Variants in DOCK1 observed in about 807,000 individuals in gnomAD.
DOCK1 encodes the protein dedicator of cytokinesis protein 1.
DOCK1 carries 138 observed loss-of-function variants against 262.7 expected under a neutral mutation model. That is an observed-to-expected ratio of 0.53 (90% confidence interval 0.46 to 0.61). The LOEUF (loss-of-function observed/expected upper bound fraction) is 0.61, where lower values mean the gene tolerates loss of function less well. Among genes scored for constraint, DOCK1 ranks in the 20% least tolerant of loss-of-function variants. The probability of loss-of-function intolerance (pLI) is 0.00; values close to 1 mark genes in which losing one functional copy is unlikely to be tolerated. For synonymous variants in DOCK1, 866 were observed against 867.4 expected, an observed-to-expected ratio of 1.00 and a Z score of 0.03; for missense variants, 1,908 against 2,370.7, an observed-to-expected ratio of 0.80 and a Z score of 4.05.
At chr10:127,053,391 A>T (rs1252647637) in intron 22 of DOCK1, among the ~76,000 whole-genome samples, 2 of 152,172 alleles carry the variant, frequency 1.3e-5, no homozygotes, top group African/African-American at 4.8e-5. Context: ...AAACCAAGTG[A>T]AATTGCCTCA....
At chr10:127,374,344 G>C in intron 35 of DOCK1, 130 bp downstream of exon 35, 7 of 1,216,034 alleles carry the variant, frequency 5.8e-6, no homozygotes, top group Non-Finnish European at 7.7e-6. Flanking sequence ...TCCTTCGCTT[G>C]TTTCCTCATC....
intron 1 of DOCK1, among the ~76,000 whole-genome samples, chr10:126,926,825 C>T (rs890790082): frequency 1.3e-5 from 2 of 151,844 alleles, no homozygotes; most frequent in Non-Finnish European, 1.5e-5. Context: ...GAAGTCTCCC[C>T]CAGAGGGTTT....
intron 38 of DOCK1, among the ~76,000 whole-genome samples, chr10:127,400,421 C>T (rs767683169): frequency 6.6e-6 from 1 of 152,194 alleles, no homozygotes; most frequent in African/African-American, 2.4e-5. Context: ...ACCTGCAGTT[C>T]AAGGCCAGCC....
intron 31 of DOCK1, among the ~76,000 whole-genome samples, chr10:127,347,459 G>T (rs1393424033): frequency 6.6e-6 from 1 of 152,240 alleles, no homozygotes; most frequent in African/African-American, 2.4e-5. Flanking sequence ...CCGGCTGGGT[G>T]GTGAAGGCAG....
intron 35 of DOCK1, among the ~76,000 whole-genome samples, chr10:127,375,588 C>G (rs577972538): frequency 1.3e-5 from 2 of 152,180 alleles, no homozygotes; most frequent in East Asian, 3.9e-4. Flanking sequence ...AAAAGATAAA[C>G]GAAAAGGAAT....
intron 27 of DOCK1, among the ~76,000 whole-genome samples, chr10:127,232,608 A>G (rs2058892569): frequency 6.6e-6 from 1 of 152,188 alleles, no homozygotes; most frequent in African/African-American, 2.4e-5. Context: ...CTTTCGAACA[A>G]ATGCCTCCTG....
chr10:127,048,087 G>A (rs1485976574), intron 21 of DOCK1, among the ~76,000 whole-genome samples: 1 of 152,190 alleles, frequency 6.6e-6, no homozygotes, highest in Non-Finnish European at 1.5e-5. Context: ...AAGATATTGC[G>A]AGACAGTTCT....
chr10:127,136,071 G>A (rs1324035103), intron 27 of DOCK1: 2 of 152,376 alleles, frequency 1.3e-5, no homozygotes, highest in East Asian at 1.9e-4. Flanking sequence ...TCAGGGATTC[G>A]AACTTCATAT....
At chr10:126,994,135 C>G in intron 6 of DOCK1, among the ~76,000 whole-genome samples, 1 of 152,066 alleles carries the variant, frequency 6.6e-6, no homozygotes, top group East Asian at 1.9e-4. Context: ...GCCCTTAGAC[C>G]TGCGTGTTTT....
chr10:127,280,172 C>G (rs2135269296), intron 29 of DOCK1, among the ~76,000 whole-genome samples: 1 of 150,880 alleles, frequency 6.6e-6, no homozygotes. Flanking sequence ...GTAGCTGGGA[C>G]TACAGGCACC....
intron 32 of DOCK1, among the ~76,000 whole-genome samples, chr10:127,361,727 A>G (rs1361595241): frequency 2.0e-5 from 3 of 152,134 alleles, no homozygotes; most frequent in Non-Finnish European, 4.4e-5. Context: ...CTCTATTCAG[A>G]ATTGGGAATT....
chr10:126,922,073 G>A (rs987297075), intron 1 of DOCK1, among the ~76,000 whole-genome samples: 6 of 152,000 alleles, frequency 3.9e-5, no homozygotes, highest in South Asian at 4.2e-4. Context: ...TTAGCCAGGC[G>A]TGGTGGCACA....
chr10:127,352,039 A>G (rs2063904254), intron 31 of DOCK1, among the ~76,000 whole-genome samples: 1 of 150,844 alleles, frequency 6.6e-6, no homozygotes, highest in African/African-American at 2.4e-5. Flanking sequence ...CAGTTCTCAA[A>G]TACTACCAGC....
In DOCK1 at chr10:126,906,510, A is replaced by G. The variant is rs73382533; in HGVS notation, c.46+947A>G. Among the ~76,000 whole-genome samples, 1,249 of 151,998 alleles carry G rather than the reference A, an allele frequency of 8.2e-3. 13 individuals carry two copies. Among genetic ancestry groups the G allele is most frequent in the African/African-American group, 0.028 (1,173 of 41,482 alleles). Reference sequence around the variant, plus strand: ...TTCCCAGTTGGTTTTCGGGCTTGCTATTCCCCGTCCCACCATCCACAGACA... The same window carrying G: ...TTCCCAGTTGGTTTTCGGGCTTGCTGTTCCCCGTCCCACCATCCACAGACA... On this transcript the variant is annotated intron_variant, in intron 1 of 51. Coordinates refer to ENST00000623213, the MANE Select transcript of DOCK1 (RefSeq NM_001290223.2).
intron 22 of DOCK1, among the ~76,000 whole-genome samples, chr10:127,061,273 A>G (rs997777365): frequency 1.3e-5 from 2 of 152,226 alleles, no homozygotes; most frequent in African/African-American, 4.8e-5. Flanking sequence ...GGTAGAAAAC[A>G]CAACTGCATC....
chr10:127,119,400 A>G (rs188652940), intron 25 of DOCK1, among the ~76,000 whole-genome samples: 89 of 152,286 alleles, frequency 5.8e-4, no homozygotes, highest in African/African-American at 2.1e-3. Context: ...GCAGTCCTGA[A>G]GGTCCCTTCA....
chr10:127,130,065 CTTTTTTTTT>C (rs74721427), intron 27 of DOCK1, among the ~76,000 whole-genome samples: 26 of 117,552 alleles, frequency 2.2e-4, no homozygotes, highest in African/African-American at 9.9e-4. Flanking sequence ...TTAGGGTCTT[CTTTTTTTTT>C]TTTTTTTTTT....
chr10:127,272,212 T>C (rs2060594283), intron 29 of DOCK1: 1 of 152,248 alleles, frequency 6.6e-6, no homozygotes, highest in Non-Finnish European at 1.5e-5. Flanking sequence ...TTTTGTGTTA[T>C]TCGCGTTATT....
chr10:127,128,378 CT>C (rs34350327), intron 27 of DOCK1, among the ~76,000 whole-genome samples: 36,147 of 135,986 alleles, frequency 0.27, 6,646 homozygotes, highest in African/African-American at 0.57. Flanking sequence ...AATTTCTTTC[CT>C]TTTTTTTTTT....
Sources: allele counts gnomAD v4.1 joint callset (sites outside exome capture counted in the v4.1 genomes callset), GRCh38; gene constraint gnomAD v4.1.1; transcripts MANE v1.5; gene names NCBI Gene and HGNC (gene_info 2026-07-23, HGNC 2026-07-21).